KXD1: variants seen among roughly 807,000 people sequenced by gnomAD.
The protein encoded by KXD1 is KxDL motif containing 1, also known as kxDL motif-containing protein 1.
KXD1 carries 5 observed loss-of-function variants against 12.1 expected under a neutral mutation model. That is an observed-to-expected ratio of 0.41 (90% CI 0.22 to 0.87). KXD1 has a LOEUF of 0.87. KXD1 is among the 40% of genes least tolerant of loss of function. The pLI is 0.31. For missense variants in KXD1, 193 were observed against 244.9 expected, an observed-to-expected ratio of 0.79 and a Z score of 1.41; for synonymous variants, 98 against 100.5, an observed-to-expected ratio of 0.98 and a Z score of 0.15.
At chr19:18,566,183 G>T (rs1270569480) in intron 3 of KXD1, among the ~76,000 whole-genome samples, 1 of 151,952 alleles carries the variant, frequency 6.6e-6, no homozygotes, top group East Asian at 2.0e-4. Flanking sequence ...GGGCGAGGTG[G>T]CCCATGCCTG....
At position 18,568,851 on chromosome 19, in the gene KXD1, C is replaced by A. The variant is rs1023771672; in HGVS notation, c.*220C>A. 7.1e-6 allele frequency: 4 copies of A among 566,090 alleles called. No homozygotes were observed. In the African/African-American group the frequency reaches 7.5e-5, roughly 11 times the overall value. The allele number at this position is 566,090 out of a possible 1,614,324, so 35.1% of individuals were successfully genotyped here. Reference sequence around the variant, plus strand: ...TCAGAACATCTCTATTCTGCAAGACCCCTCTGCCATGCCAGGGCACGCCCA... The same window carrying A: ...TCAGAACATCTCTATTCTGCAAGACACCTCTGCCATGCCAGGGCACGCCCA... On this transcript the variant is annotated 3_prime_UTR_variant, in exon 5 of 5. Transcript: ENST00000222307.
intron 3 of KXD1, among the ~76,000 whole-genome samples, chr19:18,566,476 A>T (rs1261428838): frequency 6.7e-6 from 1 of 149,976 alleles, no homozygotes; most frequent in Non-Finnish European, 1.5e-5. Context: ...AAAAAGTAAC[A>T]TAGTGCTAGA....
intron 1 of KXD1, chr19:18,559,941 C>G (rs957528145): frequency 6.6e-6 from 1 of 151,240 alleles, no homozygotes; most frequent in Admixed American, 6.6e-5. Context: ...CTCTTTGTCT[C>G]TCTCTCTTTC....
chr19:18,564,764 A>T, intron 2 of KXD1, 105 bp from the exon 3 acceptor site: 2 of 1,286,440 alleles, frequency 1.6e-6, no homozygotes, highest in East Asian at 4.6e-5. Flanking sequence ...AGCCCATGCA[A>T]AGGTTGTGAA....
intron 1 of KXD1, chr19:18,559,282 C>T (rs143243796): frequency 1.3e-5 from 2 of 152,246 alleles, no homozygotes; most frequent in Non-Finnish European, 2.9e-5. Flanking sequence ...AGCACCCGGT[C>T]CAGGTATCCT....
intron 1 of KXD1, among the ~76,000 whole-genome samples, chr19:18,561,096 A>G (rs1012348492): frequency 5.3e-5 from 8 of 152,080 alleles, no homozygotes; most frequent in Non-Finnish European, 1.0e-4. Flanking sequence ...TGAACCAGTG[A>G]AGCAGTTAAA....
chr19:18,564,818 G>A (rs779227973), intron 2 of KXD1, 51 bp from the exon 3 acceptor site: 4 of 1,603,156 alleles, frequency 2.5e-6, no homozygotes, highest in Non-Finnish European at 2.6e-6. Flanking sequence ...GCCAGGTTGG[G>A]CAGGGCCCTG....
chr19:18,567,284 TG>T lies in KXD1; in HGVS notation c.301+109del, dbSNP rs756591875. On this transcript the variant is annotated intron_variant, in intron 4 of 4. Transcript: ENST00000222307. ...GCCTGATACTGAGACCAGGCTGTAA[TG>T]GGCAGTGGGTCTGGGGAAACCTGGG... is the stretch of plus-strand genomic sequence containing the variant. The T allele has an allele frequency of 1.2e-5, 14 of 1,155,844 alleles. No individual in the cohort carries two copies. In the South Asian group the frequency reaches 1.8e-4, roughly 15 times the overall value. The allele number at this position is 1,155,844 out of a possible 1,614,324, so 71.6% of individuals were successfully genotyped here.
chr19:18,567,869 G>T (rs1600597437), intron 4 of KXD1, among the ~76,000 whole-genome samples: 1 of 152,188 alleles, frequency 6.6e-6, no homozygotes, highest in Non-Finnish European at 1.5e-5. Flanking sequence ...TCGCCCTCAG[G>T]GCTCCTGTAG....
intron 3 of KXD1, among the ~76,000 whole-genome samples, chr19:18,565,532 G>A (rs1353271025): frequency 6.6e-6 from 1 of 151,758 alleles, no homozygotes; most frequent in Non-Finnish European, 1.5e-5. Context: ...GCGCCCGGCC[G>A]AGACAGAGTC....
chr19:18,560,620 T>G (rs1974886199), intron 1 of KXD1: 1 of 152,214 alleles, frequency 6.6e-6, no homozygotes, highest in Non-Finnish European at 1.5e-5. Flanking sequence ...TTTGAAAAGT[T>G]CTGTTGCCCT....
chr19:18,562,069 G>A lies in KXD1; in HGVS notation c.13G>A (p.Asp5Asn). 6.2e-7 allele frequency: 1 copy of A among 1,613,042 alleles called. No individual in the cohort carries two copies. The highest frequency in any genetic ancestry group is 8.5e-7 in the Non-Finnish European group (1 of 1,179,494). The change falls in exon 2 of 5, where the codon GAC becomes AAC. Residue 5 changes from aspartate (D) to asparagine (N), a missense_variant. Coordinates refer to ENST00000222307, the MANE Select transcript of KXD1 (RefSeq NM_024069.4). MDLP[D>N]SASRVFCGRI... Reference sequence around the variant, plus strand: ...GGAGGAGAAAGAGATGGACCTCCCGGACTCGGCCTCGAGGGTCTTCTGCGG... The same window carrying A: ...GGAGGAGAAAGAGATGGACCTCCCGAACTCGGCCTCGAGGGTCTTCTGCGG...
chr19:18,568,768 T>C lies in KXD1; in HGVS notation c.*137T>C, dbSNP rs1039558148. 2 of 657,006 alleles carry C rather than the reference T, an allele frequency of 3.0e-6. No individual in the cohort carries two copies. The highest frequency in any genetic ancestry group is 3.6e-5 in the African/African-American group (2 of 54,936). 40.7% of individuals were successfully genotyped at this position (657,006 alleles called of 1,614,324 possible). On this transcript the variant is annotated 3_prime_UTR_variant, in exon 5 of 5. Transcript: ENST00000222307. ...CCCAGGGCTCCTAGGGGGACAAGGC[T>C]CTCTCCCGAGGGGTGTGGAATTCCT...
At chr19:18,566,404 C>T (rs11669867) in intron 3 of KXD1, among the ~76,000 whole-genome samples, 34,115 of 148,072 alleles carry the variant, frequency 0.23, 4,493 homozygotes, top group East Asian at 0.42. Context: ...GGAGGTGAGC[C>T]GAGATCGCGC....
intron 2 of KXD1, among the ~76,000 whole-genome samples, chr19:18,564,479 G>C (rs968397079): frequency 1.3e-5 from 2 of 152,220 alleles, no homozygotes; most frequent in African/African-American, 2.4e-5. Flanking sequence ...AAATTAGCCA[G>C]GCATGGTGGC....
intron 2 of KXD1, 132 bp downstream of exon 2, chr19:18,562,289 C>T (rs1974953668): frequency 1.5e-6 from 1 of 680,062 alleles, no homozygotes; most frequent in East Asian, 3.1e-5. Flanking sequence ...GTCGCTGGCT[C>T]CAAAGTAAAT....
chr19:18,565,826 TA>T (rs1329860110), intron 3 of KXD1, among the ~76,000 whole-genome samples: 1 of 152,180 alleles, frequency 6.6e-6, no homozygotes, highest in Non-Finnish European at 1.5e-5. Flanking sequence ...TAGCTGGGAC[TA>T]CAGGCGCATG....
chr19:18,564,169 G>T (rs1975079321), intron 2 of KXD1, among the ~76,000 whole-genome samples: 1 of 152,174 alleles, frequency 6.6e-6, no homozygotes, highest in East Asian at 1.9e-4. Context: ...GCAGGCATGA[G>T]CCCCCATGCC....
At chr19:18,566,443 G>A (rs1383597183) in intron 3 of KXD1, among the ~76,000 whole-genome samples, 4 of 135,088 alleles carry the variant, frequency 3.0e-5, no homozygotes, top group African/African-American at 7.7e-5. Flanking sequence ...GCGACAGAGC[G>A]AGACTCCGTC....
Sources: allele counts gnomAD v4.1 joint callset (sites outside exome capture counted in the v4.1 genomes callset), GRCh38; gene constraint gnomAD v4.1.1; transcripts MANE v1.5; gene names NCBI Gene and HGNC (gene_info 2026-07-23, HGNC 2026-07-21).